PRPF40B: variants seen among roughly 807,000 people sequenced by gnomAD.
PRPF40B encodes pre-mRNA-processing factor 40 homolog B.
PRPF40B carries 56 observed loss-of-function variants against 124.5 expected under a neutral mutation model. The observed-to-expected ratio is 0.45, with a 90% CI of 0.36 to 0.56. The LOEUF (loss-of-function observed/expected upper bound fraction) is 0.56. Among genes scored for constraint, PRPF40B ranks in the 20% least tolerant of loss-of-function variants. The pLI, the probability that PRPF40B is intolerant of heterozygous loss-of-function variation, is 0.00. For missense variants in PRPF40B, 1,053 were observed against 1,169.5 expected, an observed-to-expected ratio of 0.90 and a Z score of 1.45; for synonymous variants, 443 against 426.4, an observed-to-expected ratio of 1.04 and a Z score of -0.48.
chr12:49,629,008 A>C (rs1037802337), intron 1 of PRPF40B, among the ~76,000 whole-genome samples: 2 of 152,116 alleles, frequency 1.3e-5, no homozygotes, highest in African/African-American at 4.8e-5. Context: ...TCACCCCCTA[A>C]CTTTCAGGCA....
chr12:49,624,197 C>T (rs765202977), intron 1 of PRPF40B: 14 of 976,592 alleles, frequency 1.4e-5, no homozygotes, highest in Non-Finnish European at 1.7e-5. Context: ...CTTTGGGCCT[C>T]AGATTTCCCA....
chr12:49,644,544 C>G lies in PRPF40B; in HGVS notation c.*352C>G, dbSNP rs767190331. ...TGGCAGAGGGCAGGGTCATCACCCT[C>G]TAGCATCAGTGCCTGCTCCTGCCTG... On this transcript the variant is annotated 3_prime_UTR_variant, in exon 26 of 26. Coordinates refer to ENST00000548825, the MANE Select transcript of PRPF40B (RefSeq NM_001031698.3). 3.3e-6 allele frequency: 1 copy of G among 303,458 alleles called. No individual in the cohort carries two copies. Among genetic ancestry groups the G allele is most frequent in the Non-Finnish European group, 6.4e-6 (1 of 155,412 alleles). The allele number at this position is 303,458 out of a possible 1,614,324, so 18.8% of individuals were successfully genotyped here. A position where few individuals can be genotyped will look rare whatever the true frequency, so the allele number is the denominator to read the frequency against.
In PRPF40B at chr12:49,632,996, G is replaced by GGGGGGGGGCC; in HGVS notation, c.349-18_349-17insGGGGGGGGCC. The GGGGGGGGGCC allele has an allele frequency of 1.9e-5, 22 of 1,147,348 alleles. No individual in the cohort carries two copies. The highest frequency in any genetic ancestry group is 2.4e-5 in the Non-Finnish European group (20 of 822,966). 71.1% of individuals were successfully genotyped at this position (1,147,348 alleles called of 1,614,324 possible). On this transcript the variant is annotated splice_polypyrimidine_tract_variant and intron_variant, in intron 6 of 25. Transcript: ENST00000548825. ...AAAGGGGCCTTGACCACCATTCTGT[G>GGGGGGGGGCC]CCCCCCCCCCCACCCAGAGGGCCCT...
At position 49,642,893 on chromosome 12, in the gene PRPF40B, G is replaced by A. The variant is rs1243276104; in HGVS notation, c.2119-37G>A. 8 of 1,588,740 alleles carry A rather than the reference G, an allele frequency of 5.0e-6. No homozygotes were observed. Among genetic ancestry groups the A allele is most frequent in the South Asian group, 1.1e-5 (1 of 88,150 alleles). On this transcript the variant is annotated intron_variant, in intron 21 of 25. Transcript: ENST00000548825. The surrounding 1 kb of genome is among the most constrained non-coding windows in gnomAD (Gnocchi z 5.8). ...TAGGATCCTTCCTGGGGCTAAGTCT[G>A]GTGCTGTCCTCACCCTTCTTCCTCT...
chr12:49,629,514 C>A (rs1053693208), intron 1 of PRPF40B, among the ~76,000 whole-genome samples: 6 of 152,134 alleles, frequency 3.9e-5, no homozygotes, highest in Admixed American at 2.6e-4. Context: ...GAGATTTGTT[C>A]TGTTTGTTCT....
Position 49,631,424 on chromosome 12 carries a change from A to AC in PRPF40B, c.111dup (p.Phe38LeufsTer85). The AC allele has an allele frequency of 8.7e-7, 1 of 1,146,348 alleles. No homozygotes were observed. The highest frequency in any genetic ancestry group is 1.1e-6 in the Non-Finnish European group (1 of 915,782). 71.0% of individuals were successfully genotyped at this position (1,146,348 alleles called of 1,614,324 possible). On this transcript the variant is annotated frameshift_variant, in exon 3 of 26. Coordinates refer to ENST00000548825, the MANE Select transcript of PRPF40B (RefSeq NM_001031698.3). LOFTEE classifies it high-confidence loss of function. This position sits in a 1 kb window ranked among gnomAD's most constrained non-coding sequence, Gnocchi z 4.3. ...AGATGCCCCCTCCAGGGATCCCCCC[A>AC]CCCTTTCCTCCGATGGGGCTACCCC...
chr12:49,640,546 G>C (rs934300168), intron 18 of PRPF40B: 1 of 152,210 alleles, frequency 6.6e-6, no homozygotes, highest in Admixed American at 6.5e-5. Context: ...GGAGAGTAGA[G>C]TCATGGAGGT....
At chr12:49,637,921 C>G (rs1942069235) in intron 18 of PRPF40B, 97 bp downstream of exon 18, 1 of 939,700 alleles carries the variant, frequency 1.1e-6, no homozygotes, top group Non-Finnish European at 1.7e-6. Context: ...AGAAGCATTA[C>G]AGCTTGGTTC....
chr12:49,637,311 AG>A (rs1220180458), intron 16 of PRPF40B, 158 bp from the exon 17 acceptor site: 1 of 615,480 alleles, frequency 1.6e-6, no homozygotes, highest in African/African-American at 1.8e-5. Context: ...CATTGTTCTC[AG>A]CCTTCCATCT....
intron 1 of PRPF40B, chr12:49,624,223 A>G: frequency 1.1e-6 from 1 of 934,412 alleles, no homozygotes; most frequent in Non-Finnish European, 1.3e-6. Flanking sequence ...TTTTTTAAAA[A>G]GGAAATGCAT....
chr12:49,635,064 C>T lies in PRPF40B; in HGVS notation c.1002-35C>T. 2 of 1,589,448 alleles carry T rather than the reference C, an allele frequency of 1.3e-6. No individual in the cohort carries two copies. On this transcript the variant is annotated intron_variant, in intron 12 of 25. Coordinates refer to ENST00000548825, the MANE Select transcript of PRPF40B (RefSeq NM_001031698.3). The surrounding 1 kb of genome is among the most constrained non-coding windows in gnomAD (Gnocchi z 4.1). The stretch of plus-strand genomic sequence containing the variant: ...CTGTGCAGAGTGGTTCGGGTGACTT[C>T]TCTATCCCCACCCCACTCCTACCCT...
intron 1 of PRPF40B, 96 bp downstream of exon 1, chr12:49,623,689 G>A: frequency 9.7e-7 from 1 of 1,035,246 alleles, no homozygotes; most frequent in Non-Finnish European, 1.2e-6. Context: ...GGCCGCTGGG[G>A]ATAGCTGGGA....
chr12:49,625,640 C>T (rs1174026123), intron 1 of PRPF40B, among the ~76,000 whole-genome samples: 1 of 152,164 alleles, frequency 6.6e-6, no homozygotes, highest in African/African-American at 2.4e-5. Context: ...GGGGTGGCCC[C>T]TCACTGGCCC....
chr12:49,623,458 G>A, upstream of PRPF40B: 1 of 1,010,756 alleles, frequency 9.9e-7, no homozygotes, highest in African/African-American at 1.7e-5. Context: ...TCGCCGGCGG[G>A]AGCCACCGGA....
chr12:49,632,354 G>A (rs529196847), intron 4 of PRPF40B: 54 of 573,944 alleles, frequency 9.4e-5, no homozygotes, highest in African/African-American at 6.3e-4. Flanking sequence ...AATGAGCCTC[G>A]GGAGTTGTCT....
Position 49,630,640 on chromosome 12 carries a change from T to A in PRPF40B, c.84+15T>A. On this transcript the variant is annotated intron_variant, in intron 2 of 25. Coordinates refer to ENST00000548825, the MANE Select transcript of PRPF40B (RefSeq NM_001031698.3). ...CACCACCCTTCGTAAGTTTTATGTC[T>A]TTCCCTGGGCTTGGCTTTTCCAGCC... The A allele has an allele frequency of 8.0e-7, 1 of 1,251,806 alleles. No individual in the cohort carries two copies. Among genetic ancestry groups the A allele is most frequent in the Non-Finnish European group, 1.2e-6 (1 of 852,190 alleles). 77.5% of individuals were successfully genotyped at this position (1,251,806 alleles called of 1,614,324 possible). A position where few individuals can be genotyped will look rare whatever the true frequency, so the allele number is the denominator to read the frequency against.
In PRPF40B at chr12:49,631,208, T is replaced by TGTCAGTC. The variant is rs1941191293; in HGVS notation, c.85-192_85-186dup. Among the ~76,000 whole-genome samples the TGTCAGTC allele has an allele frequency of 6.6e-6, 1 of 152,146 alleles. No individual in the cohort carries two copies. Among genetic ancestry groups the TGTCAGTC allele is most frequent in the Admixed American group, 6.5e-5 (1 of 15,278 alleles). ...GTGTGCTTGCCTGTTAGACCCCAGT[T>TGTCAGTC]GTCAGTCTTTCTCAGTGGTGAGGAG... On this transcript the variant is annotated intron_variant, in intron 2 of 25. Transcript: ENST00000548825. This position sits in a 1 kb window ranked among gnomAD's most constrained non-coding sequence, Gnocchi z 4.3.
chr12:49,636,912 C>T (rs1941892046), intron 16 of PRPF40B, 63 bp downstream of exon 16: 1 of 1,606,088 alleles, frequency 6.2e-7, no homozygotes, highest in Non-Finnish European at 8.5e-7. Flanking sequence ...CCTCTTCACC[C>T]ATTCCCTGCC....
intron 16 of PRPF40B, chr12:49,637,256 C>A: frequency 1.7e-6 from 1 of 587,668 alleles, no homozygotes; most frequent in Non-Finnish European, 3.0e-6. Context: ...TTGTTCTCAC[C>A]TTTTTGTTCT....
Sources: gnomAD v4.1 joint callset for allele counts (sites outside exome capture counted in the v4.1 genomes callset) on GRCh38, gnomAD v4.1.1 for gene constraint, Gnocchi (gnomAD v3.1) non-coding constraint, MANE v1.5 for transcripts, NCBI Gene and HGNC (gene_info 2026-07-23, HGNC 2026-07-21) for gene names.